The following SLC60A2 variants were observed in gnomAD, a reference collection of about 807,000 sequenced individuals.
SLC60A2 encodes the protein solute carrier family 60 member 2, also known as major facilitator superfamily domain containing 4B.
the SLC60A2 span, among the ~76,000 whole-genome samples, chr6:111,275,008 G>A: frequency 1.3e-5 from 2 of 151,516 alleles, no homozygotes; most frequent in Non-Finnish European, 1.5e-5. Context: ...TTGCAGCTTC[G>A]GACTCCTGGG....
At chr6:111,259,398 C>G in the SLC60A2 span, 5 of 385,180 alleles carry the variant, frequency 1.3e-5, no homozygotes, top group Admixed American at 4.5e-5. Context: ...TCTTCTCTGC[C>G]CCGGTTCCGG....
chr6:111,264,261 A>T, the SLC60A2 span, among the ~76,000 whole-genome samples: 1 of 152,228 alleles, frequency 6.6e-6, no homozygotes, highest in Non-Finnish European at 1.5e-5. Context: ...ATCTTGGGGT[A>T]GAACTTTATT....
chr6:111,260,012 G>A, the SLC60A2 span, among the ~76,000 whole-genome samples: 1 of 147,798 alleles, frequency 6.8e-6, no homozygotes, highest in Non-Finnish European at 1.5e-5. Flanking sequence ...CAGGGTTCAA[G>A]CGATTCTCCT....
the SLC60A2 span, among the ~76,000 whole-genome samples, chr6:111,276,641 G>A: frequency 6.6e-6 from 1 of 152,264 alleles, no homozygotes; most frequent in South Asian, 2.1e-4. Flanking sequence ...TTTTGTCCTT[G>A]CAGTAGCAGG....
chr6:111,264,214 CT>C, the SLC60A2 span, among the ~76,000 whole-genome samples: 1 of 152,168 alleles, frequency 6.6e-6, no homozygotes, highest in Admixed American at 6.5e-5. Context: ...GGAAGGGCCC[CT>C]GTGTGGGTAA....
At chr6:111,275,658 T>G in the SLC60A2 span, among the ~76,000 whole-genome samples, 7 of 152,118 alleles carry the variant, frequency 4.6e-5, no homozygotes. Flanking sequence ...TCCACCCACC[T>G]CGGCCTCCCA....
At chr6:111,264,474 TATC>T in the SLC60A2 span, among the ~76,000 whole-genome samples, 243 of 152,156 alleles carry the variant, frequency 1.6e-3, 3 homozygotes, top group African/African-American at 5.3e-3. Flanking sequence ...TTCTTTCCCG[TATC>T]ATCATCATGT....
chr6:111,263,981 G>A, the SLC60A2 span: 3 of 1,106,836 alleles, frequency 2.7e-6, no homozygotes, highest in South Asian at 2.6e-5. Context: ...TCTGGGAGTA[G>A]GGACTTGCTA....
the SLC60A2 span, chr6:111,263,963 A>G: frequency 4.3e-5 from 56 of 1,302,002 alleles, no homozygotes; most frequent in African/African-American, 8.7e-5. Flanking sequence ...GAGCTCTTCA[A>G]CGTCATCTCT....
At chr6:111,275,409 C>CTT in the SLC60A2 span, among the ~76,000 whole-genome samples, 13,713 of 139,456 alleles carry the variant, frequency 0.098, 850 homozygotes, top group Middle Eastern at 0.17. Context: ...CTCAGAACAA[C>CTT]TTTTTTTTTT....
At chr6:111,261,662 C>T in the SLC60A2 span, among the ~76,000 whole-genome samples, 1 of 152,048 alleles carries the variant, frequency 6.6e-6, no homozygotes, top group Non-Finnish European at 1.5e-5. Context: ...GGTGCAGTCT[C>T]GGCTCACTGC....
the SLC60A2 span, chr6:111,265,531 A>G: frequency 2.0e-5 from 4 of 201,704 alleles, no homozygotes; most frequent in Non-Finnish European, 3.5e-5. Flanking sequence ...CCTTTTAAAT[A>G]TATATTTAAA....
the SLC60A2 span, among the ~76,000 whole-genome samples, chr6:111,271,657 G>T: frequency 1.3e-5 from 2 of 151,276 alleles, no homozygotes; most frequent in African/African-American, 2.4e-5. Context: ...AGAACTTTTG[G>T]CTGGGCATGG....
the SLC60A2 span, among the ~76,000 whole-genome samples, chr6:111,260,009 C>A: frequency 6.8e-6 from 1 of 146,762 alleles, no homozygotes. Flanking sequence ...CCCCAGGGTT[C>A]AAGCGATTCT....
At chr6:111,259,968 T>C in the SLC60A2 span, among the ~76,000 whole-genome samples, 3 of 144,328 alleles carry the variant, frequency 2.1e-5, no homozygotes, top group Non-Finnish European at 4.5e-5. Context: ...TGGAGTGCAG[T>C]GGTGCGATCT....
the SLC60A2 span, chr6:111,265,441 A>C: frequency 1.0e-6 from 1 of 967,934 alleles, no homozygotes; most frequent in Non-Finnish European, 1.2e-6. Flanking sequence ...TACATAAGTA[A>C]GTAATTTTCC....
chr6:111,267,881 AAG>A, the SLC60A2 span: 1 of 152,220 alleles, frequency 6.6e-6, no homozygotes, highest in Non-Finnish European at 1.5e-5. Context: ...GGTTGGATCA[AAG>A]AATGTAATGA....
the SLC60A2 span, chr6:111,269,438 G>C: frequency 5.3e-5 from 8 of 152,240 alleles, no homozygotes; most frequent in Non-Finnish European, 1.0e-4. Flanking sequence ...GATCTCAAGT[G>C]ATCTGCCCAC....
the SLC60A2 span, among the ~76,000 whole-genome samples, chr6:111,276,024 C>T: frequency 6.6e-6 from 1 of 152,184 alleles, no homozygotes; most frequent in South Asian, 2.1e-4. Flanking sequence ...TGGGATCATA[C>T]AGTTTTTGTC....
Sources: allele counts gnomAD v4.1 joint callset (sites outside exome capture counted in the v4.1 genomes callset), GRCh38; gene constraint gnomAD v4.1.1; transcripts MANE v1.5; gene names NCBI Gene and HGNC (gene_info 2026-07-23, HGNC 2026-07-21).